The following SLC25A13 variants were observed in gnomAD, a reference collection of about 807,000 sequenced individuals.
SLC25A13 encodes electrogenic aspartate/glutamate antiporter SLC25A13, mitochondrial.
Under a neutral mutation model 85.5 loss-of-function variants are expected in SLC25A13, and 70 were observed. That is an observed-to-expected ratio of 0.82 (90% CI 0.68 to 1.00). The LOEUF (loss-of-function observed/expected upper bound fraction) is 1.00, where lower values mean the gene tolerates loss of function less well. Among genes scored for constraint, SLC25A13 ranks in the 50% least tolerant of loss-of-function variants. The pLI is 0.00. For synonymous variants in SLC25A13, 259 were observed against 288.7 expected (o/e 0.90, Z 1.04); for missense variants, 765 against 819.8 (o/e 0.93, Z 0.82).
At chr7:96,234,249 C>T (rs150085449) in intron 4 of SLC25A13, among the ~76,000 whole-genome samples, 124 of 152,212 alleles carry the variant, frequency 8.1e-4, no homozygotes, top group African/African-American at 2.9e-3. Context: ...TTGTGCCTTG[C>T]AAAATAAAGA....
intron 3 of SLC25A13, among the ~76,000 whole-genome samples, chr7:96,244,259 A>C (rs1797099688): frequency 6.6e-6 from 1 of 152,154 alleles, no homozygotes; most frequent in Non-Finnish European, 1.5e-5. Context: ...ACAGACTCTG[A>C]GGCTTGGAAG....
chr7:96,124,688 A>C (rs1791654676), intron 15 of SLC25A13, among the ~76,000 whole-genome samples: 1 of 152,144 alleles, frequency 6.6e-6, no homozygotes, highest in South Asian at 2.1e-4. Context: ...TTTTCTTTCA[A>C]AACTCATCTT....
At position 96,296,090 on chromosome 7, in the gene SLC25A13, T is replaced by C. The variant is rs532901411; in HGVS notation, c.69+808A>G. Among the ~76,000 whole-genome samples the C allele has an allele frequency of 4.6e-5, 7 of 151,916 alleles. No individual in the cohort carries two copies. In the East Asian group the frequency reaches 5.8e-4, roughly 13 times the overall value. On this transcript the variant is annotated intron_variant, in intron 2 of 17. Coordinates refer to ENST00000265631, the MANE Select transcript of SLC25A13 (RefSeq NM_014251.3). Reference sequence around the variant, plus strand: ...TGCCAGTATAAGACACAAACTTCCATGGTGTCTGTTGTGCTCTAGTATCTA... The same window carrying C: ...TGCCAGTATAAGACACAAACTTCCACGGTGTCTGTTGTGCTCTAGTATCTA...
intron 13 of SLC25A13, among the ~76,000 whole-genome samples, chr7:96,165,823 T>A (rs1336942482): frequency 6.6e-6 from 1 of 152,222 alleles, no homozygotes; most frequent in African/African-American, 2.4e-5. Flanking sequence ...TTGTCACCAA[T>A]CTAAGTGGTA....
chr7:96,201,498 T>A (rs1795254404), intron 5 of SLC25A13, among the ~76,000 whole-genome samples: 1 of 112,980 alleles, frequency 8.9e-6, no homozygotes, highest in African/African-American at 3.4e-5. Context: ...GGTGACAGAG[T>A]GAGACTCTGT....
chr7:96,146,344 T>C (rs145191667), intron 14 of SLC25A13, among the ~76,000 whole-genome samples: 358 of 152,176 alleles, frequency 2.4e-3, no homozygotes, highest in Non-Finnish European at 3.1e-3. Context: ...ATAGTCATCC[T>C]AGATTTGTGT....
chr7:96,305,922 C>A (rs759559634), intron 1 of SLC25A13, among the ~76,000 whole-genome samples: 8 of 152,216 alleles, frequency 5.3e-5, no homozygotes, highest in Non-Finnish European at 1.2e-4. Context: ...GGGCTCTCTG[C>A]ACAGCTGGAG....
At chr7:96,222,146 T>A (rs888191678) in intron 4 of SLC25A13, among the ~76,000 whole-genome samples, 1 of 152,238 alleles carries the variant, frequency 6.6e-6, no homozygotes, top group Non-Finnish European at 1.5e-5. Flanking sequence ...CTTTTCCACA[T>A]GCCACTTATT....
intron 1 of SLC25A13, among the ~76,000 whole-genome samples, chr7:96,315,031 T>C (rs1360223839): frequency 6.6e-6 from 1 of 152,124 alleles, no homozygotes; most frequent in Non-Finnish European, 1.5e-5. Flanking sequence ...AAAAAACCAC[T>C]GAGACTCTGC....
chr7:96,151,621 T>A (rs921728433), intron 13 of SLC25A13, among the ~76,000 whole-genome samples: 4 of 147,124 alleles, frequency 2.7e-5, no homozygotes, highest in African/African-American at 1.0e-4. Flanking sequence ...TGTTTTTTGG[T>A]CTTCATAATA....
At chr7:96,257,205 C>T (rs1411009955) in intron 3 of SLC25A13, among the ~76,000 whole-genome samples, 1 of 152,072 alleles carries the variant, frequency 6.6e-6, no homozygotes, top group African/African-American at 2.4e-5. Flanking sequence ...CAAGAAATAA[C>T]TAAGATCAGA....
intron 3 of SLC25A13, among the ~76,000 whole-genome samples, chr7:96,244,237 G>A (rs1797098751): frequency 6.6e-6 from 1 of 152,190 alleles, no homozygotes; most frequent in Non-Finnish European, 1.5e-5. Context: ...AGGGGCTATG[G>A]CAGTCACAGG....
chr7:96,173,862 C>CA (rs1794108177), intron 11 of SLC25A13, among the ~76,000 whole-genome samples: 1 of 152,098 alleles, frequency 6.6e-6, no homozygotes, highest in African/African-American at 2.4e-5. Context: ...TAGAGCTGGC[C>CA]AATTAGGATG....
At chr7:96,210,916 T>C (rs1432704286) in intron 4 of SLC25A13, among the ~76,000 whole-genome samples, 1 of 67,374 alleles carries the variant, frequency 1.5e-5, no homozygotes, top group African/African-American at 4.3e-5. Context: ...AAATAAAGTT[T>C]TAACGTAATA....
At chr7:96,184,471 T>C (rs1241446842) in intron 10 of SLC25A13, 36 bp from the exon 11 acceptor site, 3 of 1,597,312 alleles carry the variant, frequency 1.9e-6, no homozygotes, top group Non-Finnish European at 2.6e-6. Flanking sequence ...CAGAAGAAAG[T>C]AAGATAGGTC....
Position 96,194,395 on chromosome 7 carries a change from A to T in SLC25A13, c.469-1212T>A, listed in dbSNP as rs369881772. On this transcript the variant is annotated intron_variant, in intron 5 of 17. Transcript: ENST00000265631. Reference sequence around the variant, plus strand: ...GAGGAGGAGGTTGCAGTGAGCTGAGATCATGCCGCCACACTCCAGCCTGGG... The same window carrying T: ...GAGGAGGAGGTTGCAGTGAGCTGAGTTCATGCCGCCACACTCCAGCCTGGG... Among the ~76,000 whole-genome samples the T allele has an allele frequency of 6.0e-3, 779 of 129,220 alleles. 9 individuals are homozygous for T. The highest frequency in any genetic ancestry group is 0.02 in the African/African-American group (726 of 35,598). 84.8% of individuals were successfully genotyped at this position (129,220 alleles called of 152,430 possible). A position where few individuals can be genotyped will look rare whatever the true frequency, so the allele number is the denominator to read the frequency against.
intron 11 of SLC25A13, among the ~76,000 whole-genome samples, chr7:96,178,296 G>A (rs564051976): frequency 6.6e-6 from 1 of 152,246 alleles, no homozygotes; most frequent in South Asian, 2.1e-4. Flanking sequence ...ACGCTAGCAG[G>A]ACCACAGAGG....
chr7:96,306,583 G>A (rs1799751457), intron 1 of SLC25A13, among the ~76,000 whole-genome samples: 1 of 151,352 alleles, frequency 6.6e-6, no homozygotes, highest in Non-Finnish European at 1.5e-5. Flanking sequence ...AGAGCCTTGG[G>A]CCTATGTGGC....
At chr7:96,233,235 C>T (rs1796622956) in intron 4 of SLC25A13, among the ~76,000 whole-genome samples, 1 of 152,224 alleles carries the variant, frequency 6.6e-6, no homozygotes, top group African/African-American at 2.4e-5. Context: ...AGGCTTTCCT[C>T]TGTTCATCCC....
Sources: allele counts gnomAD v4.1 joint callset (sites outside exome capture counted in the v4.1 genomes callset), GRCh38; gene constraint gnomAD v4.1.1; transcripts MANE v1.5; gene names NCBI Gene and HGNC (gene_info 2026-07-23, HGNC 2026-07-21).